Variants in DNAH7 observed in about 807,000 individuals in gnomAD.
DNAH7 encodes the protein axonemal beta dynein heavy chain 7.
DNAH7 carries 397 observed loss-of-function variants against 444.6 expected under a neutral mutation model. The observed-to-expected ratio is 0.89, with a 90% confidence interval of 0.82 to 0.97. The LOEUF (loss-of-function observed/expected upper bound fraction) is 0.97. Ranked by LOEUF, DNAH7 falls within the 50% of genes least tolerant of loss-of-function variation. DNAH7 has a pLI of 0.00. For synonymous variants in DNAH7, 1,636 were observed against 1,624.4 expected, an observed-to-expected ratio of 1.01 and a Z score of -0.17; for missense variants, 4,902 against 4,800.8, an observed-to-expected ratio of 1.02 and a Z score of -0.62.
At chr2:195,831,382 C>T (rs2124944820) in intron 48 of DNAH7, among the ~76,000 whole-genome samples, 1 of 152,328 alleles carries the variant, frequency 6.6e-6, no homozygotes, top group East Asian at 1.9e-4. Flanking sequence ...AAGCAGGCAG[C>T]TGACGCAGGC....
Position 195,907,314 on chromosome 2 carries a change from T to C in DNAH7, c.4105-305A>G, listed in dbSNP as rs143586425. Among the ~76,000 whole-genome samples, 29 of 152,258 alleles carry C rather than the reference T, an allele frequency of 1.9e-4. No homozygotes were observed. The East Asian group carries it at 5.6e-3, about 29-fold the overall frequency. On this transcript the variant is annotated intron_variant, in intron 25 of 64. Transcript: ENST00000312428. ...CTGCTTTTTATTTACAAGTTGATTT[T>C]ACTTGCTTACTCCACATGGATTTTA...
At chr2:195,963,413 T>A (rs1257099142) in intron 17 of DNAH7, among the ~76,000 whole-genome samples, 2 of 152,230 alleles carry the variant, frequency 1.3e-5, no homozygotes. Context: ...TGTCTTCTTT[T>A]GTGACATGTC....
rs200945065 is a variant in DNAH7 at position 195,864,491 on chromosome 2, C to T, written c.7164G>A (p.Ala2388=). The T allele has an allele frequency of 4.3e-5, 69 of 1,614,162 alleles. No individual in the cohort carries two copies. Among genetic ancestry groups the T allele is most frequent in the East Asian group, 3.6e-4 (16 of 44,890 alleles). Residue 2388 remains alanine, a synonymous_variant, in exon 41 of 65, where the codon GCG becomes GCA. Coordinates refer to ENST00000312428, the MANE Select transcript of DNAH7 (RefSeq NM_018897.3). ...EDLKVILRKC[A]EGEMQGVFLF... is the part of the protein sequence containing the mutation. ...GGAAGACACCCTGCATCTCACCTTCCGCACATTTCCTTAAGATCACTTTTA... is the reference window on the plus strand; with the variant it reads ...GGAAGACACCCTGCATCTCACCTTCTGCACATTTCCTTAAGATCACTTTTA...
At chr2:195,783,904 A>G (rs900359463) in intron 58 of DNAH7, among the ~76,000 whole-genome samples, 4 of 151,978 alleles carry the variant, frequency 2.6e-5, no homozygotes, top group African/African-American at 9.7e-5. Flanking sequence ...AAATTTTTTC[A>G]CTGATTTGTA....
At chr2:195,827,641 G>A (rs1574505063) in intron 48 of DNAH7, among the ~76,000 whole-genome samples, 1 of 152,038 alleles carries the variant, frequency 6.6e-6, no homozygotes, top group South Asian at 2.1e-4. Context: ...GAGTGCAGTG[G>A]TGTGATCACA....
At chr2:195,930,827 T>C (rs570312467) in intron 21 of DNAH7, among the ~76,000 whole-genome samples, 1 of 152,284 alleles carries the variant, frequency 6.6e-6, no homozygotes, top group African/African-American at 2.4e-5. Flanking sequence ...ATATACACCA[T>C]ATAATACTAT....
chr2:196,000,990 T>C (rs1265886065), intron 11 of DNAH7, 107 bp from the exon 12 acceptor site: 23 of 867,814 alleles, frequency 2.7e-5, no homozygotes, highest in Non-Finnish European at 3.6e-5. Flanking sequence ...CTTTCTCTTA[T>C]GACCCAGACA....
intron 27 of DNAH7, 83 bp from the exon 28 acceptor site, chr2:195,900,577 C>A (rs1402320877): frequency 7.0e-6 from 9 of 1,293,228 alleles, no homozygotes; most frequent in Non-Finnish European, 9.9e-6. Flanking sequence ...CACGCTCTCA[C>A]TAATATGTGG....
At chr2:195,926,259 A>G (rs886706961) in intron 22 of DNAH7, among the ~76,000 whole-genome samples, 167 bp downstream of exon 22, 2 of 152,164 alleles carry the variant, frequency 1.3e-5, no homozygotes, top group Non-Finnish European at 2.9e-5. Flanking sequence ...TTTTTCCTAC[A>G]TATTTGTTAT....
At chr2:196,016,715 G>C (rs1695042645) in intron 9 of DNAH7, among the ~76,000 whole-genome samples, 1 of 152,146 alleles carries the variant, frequency 6.6e-6, no homozygotes, top group African/African-American at 2.4e-5. Context: ...GAGTTCCACA[G>C]TGTGCAAATG....
intron 27 of DNAH7, among the ~76,000 whole-genome samples, chr2:195,906,256 G>C (rs1159638869): frequency 6.6e-6 from 1 of 151,628 alleles, no homozygotes; most frequent in African/African-American, 2.4e-5. Context: ...TAAATATTTT[G>C]GGAATTGTTC....
intron 29 of DNAH7, among the ~76,000 whole-genome samples, chr2:195,895,539 A>C (rs1449505250): frequency 6.6e-6 from 1 of 152,192 alleles, no homozygotes; most frequent in African/African-American, 2.4e-5. Context: ...TCCCAGGCTC[A>C]AGCCATCCCC....
intron 31 of DNAH7, 21 bp downstream of exon 31, chr2:195,891,634 T>C (rs770768125): frequency 7.9e-6 from 12 of 1,527,596 alleles, no homozygotes; most frequent in East Asian, 4.7e-5. Flanking sequence ...AAGATATGCA[T>C]GTGAAAGTGT....
intron 1 of DNAH7, 113 bp downstream of exon 1, chr2:196,068,584 C>T: frequency 1.4e-6 from 2 of 1,394,612 alleles, no homozygotes; most frequent in Non-Finnish European, 2.0e-6. Flanking sequence ...GGAAGCTGTA[C>T]ACCGCGGAGT....
rs930998136 is a variant in DNAH7, at chr2:195,746,530, C to A, written c.11765-5661G>T. 2.8e-4 allele frequency among the ~76,000 whole-genome samples: 42 copies of A among 152,322 alleles called. 1 individual carries two copies. The highest frequency in any genetic ancestry group is 7.2e-4 in the African/African-American group (30 of 41,566). ...ATCTACAGAACTCTCCACCCCAAAT[C>A]AACAGAATATACATTTTTTTCAGCA... is the stretch of plus-strand genomic sequence containing the variant. On this transcript the variant is annotated intron_variant, in intron 63 of 64. Coordinates refer to ENST00000312428, the MANE Select transcript of DNAH7 (RefSeq NM_018897.3).
At chr2:195,751,798 T>C (rs974082318) in intron 63 of DNAH7, among the ~76,000 whole-genome samples, 1 of 152,174 alleles carries the variant, frequency 6.6e-6, no homozygotes, top group African/African-American at 2.4e-5. Context: ...CTGGATTTTA[T>C]TCAAACCACA....
chr2:196,022,916 G>T (rs1348888032), intron 8 of DNAH7, among the ~76,000 whole-genome samples: 1 of 152,160 alleles, frequency 6.6e-6, no homozygotes, highest in African/African-American at 2.4e-5. Context: ...GATTCAGGGG[G>T]TTTAGGTGCA....
intron 5 of DNAH7, among the ~76,000 whole-genome samples, chr2:196,042,308 T>C (rs1696819351): frequency 6.6e-6 from 1 of 151,936 alleles, no homozygotes; most frequent in Non-Finnish European, 1.5e-5. Context: ...ATAATAAATA[T>C]TTGAGGGGAC....
rs765544092 is a variant in DNAH7 at position 195,894,996 on chromosome 2, G to A, written c.4876C>T (p.Leu1626=). 7 of 1,607,130 alleles carry A rather than the reference G, an allele frequency of 4.4e-6. No homozygotes were observed. Among genetic ancestry groups the A allele is most frequent in the Admixed American group, 3.3e-5 (2 of 59,804 alleles). ...TSAYRVLAGA[L]NDICEKGLME... ...CTTGCCTTTTCACATATATCATTTAGTGCTCCAGCTAAGACACGATATGCA... is the reference window on the plus strand; with the variant it reads ...CTTGCCTTTTCACATATATCATTTAATGCTCCAGCTAAGACACGATATGCA... Residue 1626 remains leucine (L), a synonymous_variant, in exon 30 of 65, where the codon CTA becomes TTA. Transcript: ENST00000312428.
Sources: allele counts gnomAD v4.1 joint callset (sites outside exome capture counted in the v4.1 genomes callset), GRCh38; gene constraint gnomAD v4.1.1; transcripts MANE v1.5; gene names NCBI Gene and HGNC (gene_info 2026-07-23, HGNC 2026-07-21).